The following TMEM178B variants were observed in gnomAD, a reference collection of about 807,000 sequenced individuals.
The protein encoded by TMEM178B is transmembrane protein 178B.
TMEM178B carries 5 observed loss-of-function variants against 31.0 expected under a neutral mutation model. That is an observed-to-expected ratio of 0.16 (90% CI 0.08 to 0.34). The LOEUF (loss-of-function observed/expected upper bound fraction) is 0.34. Among genes scored for constraint, TMEM178B ranks in the 10% least tolerant of loss-of-function variants. TMEM178B has a pLI of 1.00. For synonymous variants in TMEM178B, 164 were observed against 164.0 expected, an observed-to-expected ratio of 1.00 and a Z score of 0.00; for missense variants, 275 against 400.3, an observed-to-expected ratio of 0.69 and a Z score of 2.67.
chr7:141,241,685 C>T (rs1303148810), intron 2 of TMEM178B, among the ~76,000 whole-genome samples: 1 of 151,620 alleles, frequency 6.6e-6, no homozygotes, highest in African/African-American at 2.4e-5. Context: ...TGGTTTCTGT[C>T]AGACCTCTTT....
chr7:141,122,223 G>A (rs1269288629), intron 1 of TMEM178B, among the ~76,000 whole-genome samples: 2 of 152,056 alleles, frequency 1.3e-5, no homozygotes, highest in Non-Finnish European at 2.9e-5. Flanking sequence ...AAGGAAAAAA[G>A]GAATGGAAAA....
intron 1 of TMEM178B, among the ~76,000 whole-genome samples, chr7:141,170,948 C>T (rs566618164): frequency 6.6e-6 from 1 of 151,664 alleles, no homozygotes; most frequent in South Asian, 2.1e-4. Flanking sequence ...ACATGTTCTA[C>T]TTCACTCTGT....
At chr7:141,452,991 C>T (rs983106210) in intron 3 of TMEM178B, among the ~76,000 whole-genome samples, 2 of 152,244 alleles carry the variant, frequency 1.3e-5, no homozygotes, top group African/African-American at 4.8e-5. Context: ...ACCCCAGCGA[C>T]TGACTGTCAC....
intron 1 of TMEM178B, among the ~76,000 whole-genome samples, chr7:141,102,024 A>AG (rs1413037786): frequency 1.3e-5 from 2 of 151,540 alleles, no homozygotes; most frequent in Non-Finnish European, 2.9e-5. Context: ...AGGATGTTTG[A>AG]GGTGAGACTC....
chr7:141,470,484 T>A, intron 3 of TMEM178B, 52 bp from the exon 4 acceptor site: 1 of 1,420,484 alleles, frequency 7.0e-7, no homozygotes, highest in Non-Finnish European at 9.2e-7. Flanking sequence ...CCCGCTCCTC[T>A]CCCCTTTCCT....
At chr7:141,253,080 T>C (rs905902825) in intron 2 of TMEM178B, among the ~76,000 whole-genome samples, 1 of 152,210 alleles carries the variant, frequency 6.6e-6, no homozygotes, top group Non-Finnish European at 1.5e-5. Context: ...CTATGCTCCT[T>C]TAAGGCACAT....
chr7:141,356,505 C>T (rs1023600862), intron 2 of TMEM178B, among the ~76,000 whole-genome samples: 2 of 151,648 alleles, frequency 1.3e-5, no homozygotes, highest in Admixed American at 6.6e-5. Flanking sequence ...GTTTGTTGGT[C>T]GCTTATGTGT....
chr7:141,251,884 C>G (rs1586851222), intron 2 of TMEM178B, among the ~76,000 whole-genome samples: 1 of 152,146 alleles, frequency 6.6e-6, no homozygotes, highest in Non-Finnish European at 1.5e-5. Flanking sequence ...TTTACTGTAC[C>G]TAGGGTGCAA....
chr7:141,155,495 A>G (rs1796053833), intron 1 of TMEM178B, among the ~76,000 whole-genome samples: 1 of 152,170 alleles, frequency 6.6e-6, no homozygotes, highest in Admixed American at 6.5e-5. Context: ...CTGGCACACA[A>G]AATGAAGCTT....
chr7:141,437,645 G>T lies in TMEM178B; in HGVS notation c.534G>T (p.Ala178=), dbSNP rs776267447. The T allele has an allele frequency of 1.2e-5, 18 of 1,536,024 alleles. No homozygotes were observed. Among genetic ancestry groups the T allele is most frequent in the Non-Finnish European group, 1.3e-5 (15 of 1,146,920 alleles). Residue 178 remains alanine (A), a synonymous_variant, in exon 3 of 4, where the codon GCG becomes GCT. Coordinates refer to ENST00000565468, the MANE Select transcript of TMEM178B (RefSeq NM_001195278.2). ...RRMTAGFMGM[A]VAIILFGWII... ...TGACGGCTGGCTTCATGGGCATGGCGGTGGCCATCATCCTCTTTGGCTGGA... is the reference window on the plus strand; with the variant it reads ...TGACGGCTGGCTTCATGGGCATGGCTGTGGCCATCATCCTCTTTGGCTGGA...
chr7:141,458,276 C>T (rs966983550), intron 3 of TMEM178B, among the ~76,000 whole-genome samples: 15 of 152,182 alleles, frequency 9.9e-5, no homozygotes, highest in Non-Finnish European at 1.8e-4. Context: ...CGTGCCACCA[C>T]ACCCGGCTGA....
chr7:141,308,843 C>G (rs1451945211), intron 2 of TMEM178B, among the ~76,000 whole-genome samples: 1 of 152,196 alleles, frequency 6.6e-6, no homozygotes, highest in Non-Finnish European at 1.5e-5. Flanking sequence ...AATCCCCAGC[C>G]TTTGTTGTAA....
intron 2 of TMEM178B, among the ~76,000 whole-genome samples, chr7:141,240,941 C>T (rs1273519387): frequency 6.6e-6 from 1 of 151,548 alleles, no homozygotes; most frequent in East Asian, 1.9e-4. Flanking sequence ...TGGTGGGAAG[C>T]CCCCATGAGT....
chr7:141,215,379 G>C (rs552029221), intron 2 of TMEM178B, among the ~76,000 whole-genome samples: 15 of 149,138 alleles, frequency 1.0e-4, no homozygotes, highest in Admixed American at 2.7e-4. Flanking sequence ...AGGCTGGAGT[G>C]CAGTGGCACA....
At chr7:141,482,863 C>T (rs114907600), downstream of TMEM178B, among the ~76,000 whole-genome samples, 224 of 135,948 alleles carry the variant, frequency 1.6e-3, 2 homozygotes, top group African/African-American at 6.0e-3. Context: ...CATTGGCAAT[C>T]GGGAAGCTCA....
At chr7:141,399,705 G>A (rs551283538) in intron 2 of TMEM178B, among the ~76,000 whole-genome samples, 10 of 152,094 alleles carry the variant, frequency 6.6e-5, no homozygotes, top group Admixed American at 2.0e-4. Flanking sequence ...GTTCGCCTTC[G>A]TTGTTTGCAC....
chr7:141,500,194 T>C, the TMEM178B span, among the ~76,000 whole-genome samples: 1 of 152,210 alleles, frequency 6.6e-6, no homozygotes, highest in Non-Finnish European at 1.5e-5. Flanking sequence ...TGGCAGGCAC[T>C]ATCATTGTCC....
At chr7:141,282,172 GGAGT>G (rs1235336482) in intron 2 of TMEM178B, among the ~76,000 whole-genome samples, 4 of 152,214 alleles carry the variant, frequency 2.6e-5, no homozygotes, top group Non-Finnish European at 5.9e-5. Context: ...AGACCTAGAT[GGAGT>G]GGCCAGGGAA....
chr7:141,120,241 A>G (rs1286334346), intron 1 of TMEM178B, among the ~76,000 whole-genome samples: 1 of 152,202 alleles, frequency 6.6e-6, no homozygotes, highest in Non-Finnish European at 1.5e-5. Context: ...TTTTATCTGC[A>G]GAAGGAAGGA....
Sources: gnomAD v4.1 joint callset for allele counts (sites outside exome capture counted in the v4.1 genomes callset) on GRCh38, gnomAD v4.1.1 for gene constraint, MANE v1.5 for transcripts, NCBI Gene and HGNC (gene_info 2026-07-23, HGNC 2026-07-21) for gene names.